USP40: variants seen among roughly 807,000 people sequenced by gnomAD.
The protein encoded by USP40 is ubiquitin specific peptidase 40.
A neutral mutation model predicts 166.2 loss-of-function variants in USP40; 143 were observed. That is an observed-to-expected ratio of 0.86 (90% CI 0.75 to 0.99). The LOEUF is 0.99. Ranked by LOEUF, USP40 falls within the 50% of genes least tolerant of loss-of-function variation. The pLI is 0.00. For missense variants in USP40, 1,444 were observed against 1,479.7 expected (o/e 0.98, Z 0.40); for synonymous variants, 498 against 524.0 (o/e 0.95, Z 0.68).
At chr2:233,560,390 G>T (rs952610512) in intron 3 of USP40, among the ~76,000 whole-genome samples, 6 of 152,182 alleles carry the variant, frequency 3.9e-5, no homozygotes, top group African/African-American at 1.2e-4. Context: ...TGTGGTGAGG[G>T]CTGGGGCAGA....
At chr2:233,552,752 G>A (rs2070694606) in intron 6 of USP40, among the ~76,000 whole-genome samples, 1 of 152,104 alleles carries the variant, frequency 6.6e-6, no homozygotes, top group South Asian at 2.1e-4. Flanking sequence ...ACAGGCACAG[G>A]GTTTAAGGTT....
Position 233,498,462 on chromosome 2 carries a change from T to C in USP40, c.2715+86A>G. 5.7e-6 allele frequency: 7 copies of C among 1,217,662 alleles called. No homozygotes were observed. In the South Asian group the frequency reaches 8.6e-5, roughly 15 times the overall value. 75.4% of individuals were successfully genotyped at this position (1,217,662 alleles called of 1,614,324 possible). On this transcript the variant is annotated intron_variant, in intron 23 of 31. Coordinates refer to ENST00000678225, the MANE Select transcript of USP40 (RefSeq NM_001365479.2). ...GTATCCTATAGAAAGTAATTAAAGC[T>C]TTCTCATGAGTGGAATGGGTACCTT... is the stretch of plus-strand genomic sequence containing the variant.
chr2:233,526,356 A>T (rs2068032585), intron 13 of USP40, among the ~76,000 whole-genome samples: 1 of 152,148 alleles, frequency 6.6e-6, no homozygotes, highest in African/African-American at 2.4e-5. Context: ...ATATCCCCCT[A>T]GACTAGGTTC....
intron 28 of USP40, chr2:233,487,883 A>G (rs1015809107): frequency 2.3e-5 from 12 of 513,394 alleles, no homozygotes; most frequent in Non-Finnish European, 3.5e-5. Flanking sequence ...AAAGTAGAAT[A>G]AGGGGGCAGA....
chr2:233,548,235 A>G (rs755480062), intron 8 of USP40, among the ~76,000 whole-genome samples: 1 of 152,200 alleles, frequency 6.6e-6, no homozygotes, highest in Non-Finnish European at 1.5e-5. Flanking sequence ...TAATTCAATC[A>G]GTGGTTATTG....
intron 1 of USP40, 94 bp downstream of exon 1, chr2:233,566,590 G>T: frequency 1.4e-6 from 1 of 723,578 alleles, no homozygotes; most frequent in Non-Finnish European, 1.7e-6. Flanking sequence ...GGCCTGGGCA[G>T]CCTCTCGCCT....
Position 233,565,572 on chromosome 2 carries a change from C to T in USP40, c.-18G>A. 6.5e-7 allele frequency: 1 copy of T among 1,529,764 alleles called. No individual in the cohort carries two copies. Among genetic ancestry groups the T allele is most frequent in the South Asian group, 1.2e-5 (1 of 81,870 alleles). The allele number at this position is 1,529,764 out of a possible 1,614,324, so 94.8% of individuals were successfully genotyped here. A position where few individuals can be genotyped will look rare whatever the true frequency, so the allele number is the denominator to read the frequency against. ...CCAAACATTGTGAAACTAAATACTA[C>T]CCTTAAAAAAAGTGACATATAAATG... On this transcript the variant is annotated splice_region_variant and 5_prime_UTR_variant, in exon 2 of 32. Coordinates refer to ENST00000678225, the MANE Select transcript of USP40 (RefSeq NM_001365479.2).
At chr2:233,501,927 C>T (rs1038058229) in intron 21 of USP40, among the ~76,000 whole-genome samples, 2 of 152,154 alleles carry the variant, frequency 1.3e-5, no homozygotes, top group Non-Finnish European at 2.9e-5. Context: ...AGACAGCAAA[C>T]TGAGAAGGGT....
intron 30 of USP40, among the ~76,000 whole-genome samples, chr2:233,483,103 A>G (rs2064731769): frequency 6.6e-6 from 1 of 151,764 alleles, no homozygotes; most frequent in African/African-American, 2.4e-5. Context: ...TTCCCTTTTC[A>G]CTGTTTTTTA....
intron 30 of USP40, among the ~76,000 whole-genome samples, chr2:233,485,219 G>A (rs993791048): frequency 2.6e-5 from 4 of 152,190 alleles, no homozygotes; most frequent in African/African-American, 9.7e-5. Context: ...GTGACGTCAT[G>A]TCACACAGTA....
intron 21 of USP40, 88 bp downstream of exon 21, chr2:233,509,961 T>C: frequency 9.6e-7 from 1 of 1,037,918 alleles, no homozygotes; most frequent in Non-Finnish European, 1.4e-6. Context: ...GTTTAGGACC[T>C]CCAAATCTTA....
intron 16 of USP40, among the ~76,000 whole-genome samples, chr2:233,522,900 C>T (rs2067754808): frequency 6.6e-6 from 1 of 152,156 alleles, no homozygotes; most frequent in African/African-American, 2.4e-5. Flanking sequence ...GCATTACAGC[C>T]AACTAATTGA....
rs1165988675 is a variant in USP40, at chr2:233,556,949, C to T, written c.452G>A (p.Gly151Glu). 7 of 1,613,870 alleles carry T rather than the reference C, an allele frequency of 4.3e-6. No individual in the cohort carries two copies. Among genetic ancestry groups the T allele is most frequent in the East Asian group, 2.2e-5 (1 of 44,858 alleles). ...LFSALETSLV[G>E]TSGHDLIYRL... ...ATAGATGAGGTCATGACCGGAGGTC[C>T]CAACTAAAGAAGTTTCCAAAGCGCT... Residue 151 changes from glycine (G) to glutamate (E), a missense_variant, in exon 5 of 32, where the codon GGG becomes GAG. By Grantham distance (98) the Gly-to-Glu change is moderately conservative (BLOSUM62 -2). Transcript: ENST00000678225.
In USP40 at chr2:233,493,612, A is replaced by T; in HGVS notation, c.2791-61T>A. 1 of 1,500,506 alleles carries T rather than the reference A, an allele frequency of 6.7e-7. No homozygotes were observed. The highest frequency in any genetic ancestry group is 8.9e-7 in the Non-Finnish European group (1 of 1,119,000). The allele number at this position is 1,500,506 out of a possible 1,614,324, so 92.9% of individuals were successfully genotyped here. On this transcript the variant is annotated intron_variant, in intron 24 of 31. Coordinates refer to ENST00000678225, the MANE Select transcript of USP40 (RefSeq NM_001365479.2). The surrounding 1 kb of genome is among the most constrained non-coding windows in gnomAD (Gnocchi z 4.7). ...AAAGATTAAGTGAAACTCTACTTTT[A>T]CTTCCATAGAAAGAAACACCTTGAT...
chr2:233,555,729 G>C (rs912007183), intron 5 of USP40, among the ~76,000 whole-genome samples: 1 of 146,914 alleles, frequency 6.8e-6, no homozygotes, highest in Non-Finnish European at 1.5e-5. Flanking sequence ...TCCACCTCCC[G>C]GGTTCAAGCG....
chr2:233,498,364 C>A (rs565449876), intron 23 of USP40, among the ~76,000 whole-genome samples, 184 bp downstream of exon 23: 1 of 152,346 alleles, frequency 6.6e-6, no homozygotes, highest in East Asian at 1.9e-4. Flanking sequence ...AATGTTCCCA[C>A]TGCACTGTGA....
At chr2:233,489,547 T>TA (rs1290356031) in intron 26 of USP40, 64 bp from the exon 27 acceptor site, 4 of 1,335,634 alleles carry the variant, frequency 3.0e-6, no homozygotes, top group African/African-American at 1.6e-5. Flanking sequence ...CATACTGTTT[T>TA]AGAAAAAAAA....
intron 30 of USP40, among the ~76,000 whole-genome samples, chr2:233,482,865 C>A (rs947136684): frequency 7.2e-5 from 11 of 152,208 alleles, no homozygotes; most frequent in Non-Finnish European, 1.5e-5. Flanking sequence ...GTCTCACTAG[C>A]AAGGGCAGCT....
intron 10 of USP40, among the ~76,000 whole-genome samples, chr2:233,534,386 T>A (rs1469597046): frequency 1.3e-5 from 2 of 152,142 alleles, no homozygotes; most frequent in Admixed American, 1.3e-4. Context: ...TACCTCCCCA[T>A]CCACTACGCC....
Sources: gnomAD v4.1 joint callset for allele counts (sites outside exome capture counted in the v4.1 genomes callset) on GRCh38, gnomAD v4.1.1 for gene constraint, Gnocchi (gnomAD v3.1) non-coding constraint, MANE v1.5 for transcripts, NCBI Gene and HGNC (gene_info 2026-07-23, HGNC 2026-07-21) for gene names.